The following KMT5C variants were observed in gnomAD, a reference collection of about 807,000 sequenced individuals.
KMT5C encodes lysine methyltransferase 5C, also known as histone-lysine N-methyltransferase KMT5C.
In KMT5C, 16 loss-of-function variants were observed where a neutral mutation model predicts 38.2. The ratio of observed to expected loss-of-function variants is 0.42; its 90% confidence interval spans 0.28 to 0.64. The LOEUF is 0.64. Among genes scored for constraint, KMT5C ranks in the 30% least tolerant of loss-of-function variants. The pLI, the probability that KMT5C is intolerant of heterozygous loss-of-function variation, is 0.23. For synonymous variants in KMT5C, 291 were observed against 279.0 expected (o/e 1.04, Z -0.43); for missense variants, 598 against 665.1 (o/e 0.90, Z 1.11).
At chr19:55,346,174 G>C (rs2089614198) in intron 6 of KMT5C, 39 bp from the exon 7 acceptor site, 1 of 1,611,898 alleles carries the variant, frequency 6.2e-7, no homozygotes, top group Non-Finnish European at 8.5e-7. Context: ...GCCCTCCCCT[G>C]TGCCCTGGGC....
chr19:55,341,626 G>C, intron 1 of KMT5C, 168 bp from the exon 2 acceptor site: 1 of 422,528 alleles, frequency 2.4e-6, no homozygotes, highest in Non-Finnish European at 4.4e-6. Flanking sequence ...GTGCATGTGG[G>C]GGTTGTGTGT....
At chr19:55,342,102 A>G (rs1220219655) in intron 2 of KMT5C, 56 bp downstream of exon 2, 1 of 1,572,378 alleles carries the variant, frequency 6.4e-7, no homozygotes, top group Non-Finnish European at 8.7e-7. Context: ...CTCCCCTTGC[A>G]CCGCTGCCGC....
Position 55,347,366 on chromosome 19 carries a change from G to A in KMT5C, c.1306G>A (p.Ala436Thr), listed in dbSNP as rs375208736. Residue 436 changes from alanine (A) to threonine (T), a missense_variant, in exon 9 of 9, where the codon GCC (alanine) becomes ACC (threonine). By Grantham distance (58) the Ala-to-Thr change is moderately conservative. This residue lies in a region of KMT5C where 326 missense variants were observed against 298.1 expected (regional missense o/e 1.09). Transcript: ENST00000255613. This position sits in a 1 kb window ranked among gnomAD's most constrained non-coding sequence, Gnocchi z 4.6. ...GATCCCGAAGCAGGCCCTCGCCTTC[G>A]CCCCCTTCTCCCCACCCAAGCGCCT... The part of the protein sequence containing the change: ...ILIPKQALAF[A>T]PFSPPKRLRL... 7.2e-5 allele frequency: 114 copies of A among 1,583,618 alleles called. No homozygotes were observed. Among genetic ancestry groups the A allele is most frequent in the African/African-American group, 2.8e-4 (21 of 74,442 alleles).
chr19:55,344,178 C>T (rs536869972), intron 6 of KMT5C, 181 bp downstream of exon 6: 31 of 575,454 alleles, frequency 5.4e-5, no homozygotes, highest in African/African-American at 3.4e-4. Context: ...ATGGAGACCA[C>T]GGTGAAACCC....
chr19:55,343,327 GA>G lies in KMT5C; in HGVS notation c.387-351del, dbSNP rs547991952. ...CAGGGCGAGGCTCACACTGACAGGG[GA>G]AGCACCCGCCTGAGGGTCTGGTGGG... is the stretch of plus-strand genomic sequence containing the variant. On this transcript the variant is annotated intron_variant, in intron 4 of 8. Coordinates refer to ENST00000255613, the MANE Select transcript of KMT5C (RefSeq NM_032701.4). This position sits in a 1 kb window ranked among gnomAD's most constrained non-coding sequence, Gnocchi z 5.5. The G allele has an allele frequency of 4.8e-5, 17 of 356,930 alleles. No individual in the cohort carries two copies. The South Asian group carries it at 5.5e-4, about 11-fold the overall frequency. 22.1% of individuals were successfully genotyped at this position (356,930 alleles called of 1,614,324 possible).
At chr19:55,342,633 C>T (rs2089572690) in intron 3 of KMT5C, 109 bp from the exon 4 acceptor site, 4 of 714,966 alleles carry the variant, frequency 5.6e-6, no homozygotes, top group Admixed American at 2.1e-5. Context: ...AACATGAGGC[C>T]CCCAAGACCA....
intron 6 of KMT5C, 107 bp downstream of exon 6, chr19:55,344,104 G>C (rs1264442960): frequency 1.6e-6 from 2 of 1,258,732 alleles, no homozygotes; most frequent in African/African-American, 3.0e-5. Context: ...GCCGGGCGCG[G>C]TGGCTCATGC....
In KMT5C at chr19:55,347,660, C is replaced by G; in HGVS notation, c.*211C>G. 1.3e-6 allele frequency: 1 copy of G among 752,004 alleles called. No individual in the cohort carries two copies. The highest frequency in any genetic ancestry group is 1.9e-6 in the Non-Finnish European group (1 of 514,340). 46.6% of individuals were successfully genotyped at this position (752,004 alleles called of 1,614,324 possible). On this transcript the variant is annotated 3_prime_UTR_variant, in exon 9 of 9. Transcript: ENST00000255613. The surrounding 1 kb of genome is among the most constrained non-coding windows in gnomAD (Gnocchi z 4.6). ...GACCCCTGAGCCACCCCCACTCCCA[C>G]AGGGAGCCCCGGCCATTTGCTGCCC...
intron 6 of KMT5C, among the ~76,000 whole-genome samples, chr19:55,345,676 G>A (rs947331732): frequency 2.6e-5 from 4 of 152,192 alleles, no homozygotes; most frequent in Non-Finnish European, 5.9e-5. Context: ...GGAGGAAGGC[G>A]CAGCTGTGTG....
intron 6 of KMT5C, chr19:55,344,403 C>T (rs1285561642): frequency 6.3e-6 from 2 of 315,444 alleles, no homozygotes; most frequent in Non-Finnish European, 1.2e-5. Context: ...CCCCATGTCT[C>T]CATGGCTTCC....
chr19:55,345,235 AG>A (rs1267577115), intron 6 of KMT5C: 8 of 366,856 alleles, frequency 2.2e-5, no homozygotes, highest in Non-Finnish European at 4.3e-5. Context: ...TCAGGGGCAA[AG>A]GGGGGCGTCT....
chr19:55,342,571 TGTA>T (rs1052757432), intron 3 of KMT5C, 168 bp from the exon 4 acceptor site: 7 of 634,092 alleles, frequency 1.1e-5, no homozygotes, highest in African/African-American at 9.1e-5. Context: ...CCCTCTGAGA[TGTA>T]GTCCAACCTC....
intron 8 of KMT5C, 73 bp from the exon 9 acceptor site, chr19:55,346,883 G>A: frequency 5.2e-6 from 4 of 775,274 alleles, no homozygotes; most frequent in Non-Finnish European, 8.7e-6. Context: ...TTGTCCAGAG[G>A]AGGACCGGCC....
Position 55,347,090 on chromosome 19 carries a change from C to G in KMT5C, c.1030C>G (p.Pro344Ala), listed in dbSNP as rs890999469. The change falls in exon 9 of 9, where the codon CCA becomes GCA. Residue 344 changes from proline to alanine, a missense_variant. Around this residue, in one of 3 missense-constraint regions of KMT5C, gnomAD observed 326 missense variants for 298.1 expected, o/e 1.09. Transcript: ENST00000255613. This position sits in a 1 kb window ranked among gnomAD's most constrained non-coding sequence, Gnocchi z 4.6. ...CCGACGCCCCCGGCCCCGGAGGGCCCCAGTGCTCTCCACCCACCACGCTGC... is the reference window on the plus strand; with the variant it reads ...CCGACGCCCCCGGCCCCGGAGGGCCGCAGTGCTCTCCACCCACCACGCTGC... ...KRRRPRPRRA[P>A]VLSTHHAARV... is the part of the protein sequence containing the mutation. 2 of 1,567,568 alleles carry G rather than the reference C, an allele frequency of 1.3e-6. No homozygotes were observed. The highest frequency in any genetic ancestry group is 2.2e-4 in the Middle Eastern group (1 of 4,474).
At position 55,342,725 on chromosome 19, in the gene KMT5C, A is replaced by T; in HGVS notation, c.277-17A>T. On this transcript the variant is annotated splice_polypyrimidine_tract_variant and intron_variant, in intron 3 of 8. Transcript: ENST00000255613. ...GCCCCTGCCCCGCCTCCTCACCCCC[A>T]CCCTCACCCTCACCAGGTCTATCGC... The T allele has an allele frequency of 7.4e-7, 1 of 1,348,102 alleles. No individual in the cohort carries two copies. Among genetic ancestry groups the T allele is most frequent in the Non-Finnish European group, 1.1e-6 (1 of 941,480 alleles). 83.5% of individuals were successfully genotyped at this position (1,348,102 alleles called of 1,614,324 possible). A position where few individuals can be genotyped will look rare whatever the true frequency, so the allele number is the denominator to read the frequency against.
chr19:55,341,794 A>T lies in KMT5C; in HGVS notation c.-143A>T. Reference sequence around the variant, plus strand: ...CACTGCTTTTCTCCCCATTTTGCAGATGAGATCGTGGGGCTCACCAGCGTC... The same window carrying T: ...CACTGCTTTTCTCCCCATTTTGCAGTTGAGATCGTGGGGCTCACCAGCGTC... On this transcript the variant is annotated splice_region_variant and 5_prime_UTR_variant, in exon 2 of 9. The change abolishes an upstream ATG in the 5' untranslated region. Transcript: ENST00000255613. 1.5e-6 allele frequency: 1 copy of T among 654,564 alleles called. No homozygotes were observed. Among genetic ancestry groups the T allele is most frequent in the Non-Finnish European group, 2.8e-6 (1 of 363,572 alleles). 40.5% of individuals were successfully genotyped at this position (654,564 alleles called of 1,614,324 possible). A position where few individuals can be genotyped will look rare whatever the true frequency, so the allele number is the denominator to read the frequency against.
At chr19:55,344,869 G>T in intron 6 of KMT5C, 1 of 474,400 alleles carries the variant, frequency 2.1e-6, no homozygotes, top group East Asian at 6.8e-5. Flanking sequence ...AAGGGATCCA[G>T]ATTTTTGGCT....
In KMT5C at chr19:55,346,363, A is replaced by G; in HGVS notation, c.707+14A>G. 6.2e-7 allele frequency: 1 copy of G among 1,613,926 alleles called. No individual in the cohort carries two copies. The highest frequency in any genetic ancestry group is 8.5e-7 in the Non-Finnish European group (1 of 1,179,912). On this transcript the variant is annotated intron_variant, in intron 7 of 8. Transcript: ENST00000255613. ...CACCTGTGAGAGGTGGGACCGGGCG[A>G]GAGGCGGCTGGGTTCGGGTCGTCTG...
At chr19:55,344,660 A>T (rs2089597205) in intron 6 of KMT5C, 1 of 515,270 alleles carries the variant, frequency 1.9e-6, no homozygotes, top group South Asian at 1.5e-5. Context: ...CAACGCAGGC[A>T]GCTGTGGTGG....
Sources: allele counts gnomAD v4.1 joint callset (sites outside exome capture counted in the v4.1 genomes callset), GRCh38; gene constraint gnomAD v4.1.1; regional missense constraint gnomAD v4.1.1; non-coding constraint Gnocchi (gnomAD v3.1); transcripts MANE v1.5; gene names NCBI Gene and HGNC (gene_info 2026-07-23, HGNC 2026-07-21).